SCLT1: variants seen among roughly 807,000 people sequenced by gnomAD.
SCLT1 encodes the protein sodium channel and clathrin linker 1, also known as sodium channel-associated protein 1.
A neutral mutation model predicts 112.8 loss-of-function variants in SCLT1; 78 were observed. That is an observed-to-expected ratio of 0.69 (90% CI 0.58 to 0.83). SCLT1 has a LOEUF of 0.83. Among genes scored for constraint, SCLT1 ranks in the 40% least tolerant of loss-of-function variants. The pLI is 0.00. For missense variants in SCLT1, 747 were observed against 770.4 expected (o/e 0.97, Z 0.36); for synonymous variants, 257 against 254.7 (o/e 1.01, Z -0.09).
intron 18 of SCLT1, among the ~76,000 whole-genome samples, chr4:128,934,169 C>A (rs1736996585): frequency 6.6e-6 from 1 of 151,760 alleles, no homozygotes; most frequent in South Asian, 2.1e-4. Context: ...AGAAGTCTAG[C>A]CTTCATTCTG....
At chr4:128,880,315 CT>C (rs1382912006), downstream of SCLT1, among the ~76,000 whole-genome samples, 2 of 152,086 alleles carry the variant, frequency 1.3e-5, no homozygotes, top group African/African-American at 2.4e-5. Flanking sequence ...TGGTCCTCTT[CT>C]TTTTTTCAAT....
At chr4:128,965,341 G>A (rs768700155) in intron 10 of SCLT1, 23 bp from the exon 11 acceptor site, 1 of 1,469,626 alleles carries the variant, frequency 6.8e-7, no homozygotes, top group South Asian at 1.1e-5. Context: ...GAAACTAGAA[G>A]CTTACTTTGA....
intron 5 of SCLT1, among the ~76,000 whole-genome samples, chr4:129,011,613 T>A (rs1317428605): frequency 6.6e-6 from 1 of 151,910 alleles, no homozygotes; most frequent in Admixed American, 6.6e-5. Context: ...TCAGTAGAAG[T>A]GGTACCAGCT....
At chr4:128,958,088 A>G (rs1203090499) in intron 12 of SCLT1, among the ~76,000 whole-genome samples, 1 of 152,140 alleles carries the variant, frequency 6.6e-6, no homozygotes, top group Non-Finnish European at 1.5e-5. Context: ...TCTCTAACAC[A>G]AACCTTTTTC....
At chr4:129,052,442 A>G (rs1748891124) in intron 2 of SCLT1, among the ~76,000 whole-genome samples, 1 of 151,560 alleles carries the variant, frequency 6.6e-6, no homozygotes, top group Admixed American at 6.6e-5. Flanking sequence ...TTCTTCCTGG[A>G]TTATTCTTGG....
At chr4:128,880,085 C>G (rs541005232), downstream of SCLT1, among the ~76,000 whole-genome samples, 125 of 152,302 alleles carry the variant, frequency 8.2e-4, no homozygotes, top group African/African-American at 2.8e-3. Context: ...GACAGGATTA[C>G]TAGATTACAT....
intron 4 of SCLT1, 21 bp from the exon 5 acceptor site, chr4:129,039,117 G>A (rs200286735): frequency 1.3e-6 from 2 of 1,559,472 alleles, no homozygotes; most frequent in Admixed American, 1.7e-5. Flanking sequence ...AAAATATGGT[G>A]TGGCAATACA....
At chr4:129,058,721 A>G in intron 2 of SCLT1, among the ~76,000 whole-genome samples, 1 of 152,276 alleles carries the variant, frequency 6.6e-6, no homozygotes, top group South Asian at 2.1e-4. Flanking sequence ...TGTATGTGAG[A>G]TCCATTTGGT....
chr4:128,959,726 A>T lies in SCLT1; in HGVS notation c.921T>A (p.His307Gln). The T allele has an allele frequency of 1.2e-6, 2 of 1,613,510 alleles. No individual in the cohort carries two copies. The highest frequency in any genetic ancestry group is 1.3e-5 in the African/African-American group (1 of 74,972). ...EANQLRTENT[H>Q]LEKQTRELQA... The stretch of plus-strand genomic sequence containing the variant: ...GTAGCTCTCTGGTCTGTTTTTCCAG[A>T]TGTGTATTTTCGGTTCTTAATTGGT... Residue 307 changes from histidine (H) to glutamine (Q), a missense_variant, in exon 12 of 21, where the codon CAT becomes CAA. Around this residue, in one of 2 missense-constraint regions of SCLT1, gnomAD observed 723 missense variants for 721.3 expected, o/e 1.00. Coordinates refer to ENST00000281142, the MANE Select transcript of SCLT1 (RefSeq NM_144643.4).
chr4:129,006,932 C>T (rs536434362), intron 5 of SCLT1, among the ~76,000 whole-genome samples: 1 of 152,266 alleles, frequency 6.6e-6, no homozygotes, highest in African/African-American at 2.4e-5. Flanking sequence ...GTGGCAACGC[C>T]GACGTTATGT....
intron 15 of SCLT1, among the ~76,000 whole-genome samples, chr4:128,947,839 C>T (rs1738312226): frequency 6.6e-6 from 1 of 152,032 alleles, no homozygotes; most frequent in South Asian, 2.1e-4. Flanking sequence ...CATAGCAATG[C>T]TATAATTTTC....
At chr4:128,898,580 G>C (rs528195599) in intron 18 of SCLT1, among the ~76,000 whole-genome samples, 38 of 151,962 alleles carry the variant, frequency 2.5e-4, no homozygotes, top group African/African-American at 5.5e-4. Context: ...AGGAAAGATC[G>C]AAAATTGACA....
intron 4 of SCLT1, among the ~76,000 whole-genome samples, chr4:129,041,493 C>T (rs1441548671): frequency 1.3e-5 from 2 of 152,170 alleles, no homozygotes; most frequent in Non-Finnish European, 2.9e-5. Flanking sequence ...AGTAAAGCTA[C>T]ATATCAATGC....
chr4:129,002,178 C>T (rs1743553156), intron 6 of SCLT1, among the ~76,000 whole-genome samples: 1 of 151,696 alleles, frequency 6.6e-6, no homozygotes, highest in Non-Finnish European at 1.5e-5. Context: ...ATTTGTAGCC[C>T]CCATTTATAA....
intron 1 of SCLT1, among the ~76,000 whole-genome samples, chr4:129,083,186 G>A (rs369992516): frequency 1.8e-3 from 150 of 84,460 alleles, no homozygotes; most frequent in African/African-American, 3.7e-3. Context: ...GTGAGACTCT[G>A]AAAAAAAAAA....
intron 2 of SCLT1, among the ~76,000 whole-genome samples, chr4:129,067,828 ACT>A (rs1750625951): frequency 6.7e-6 from 1 of 148,830 alleles, no homozygotes. Context: ...TAATATTTTA[ACT>A]TTTTTTTTTT....
At chr4:128,907,123 T>C (rs1734749678) in intron 18 of SCLT1, among the ~76,000 whole-genome samples, 1 of 142,866 alleles carries the variant, frequency 7.0e-6, no homozygotes, top group Non-Finnish European at 1.5e-5. Context: ...AGATACAGAG[T>C]GTTACTAGGA....
In SCLT1 at chr4:128,959,764, T is replaced by C. The variant is rs1739521650; in HGVS notation, c.883A>G (p.Ile295Val). Residue 295 changes from isoleucine to valine, a missense_variant, in exon 12 of 21, where the codon ATC (isoleucine) becomes GTC (valine). Ile to Val is a conservative substitution (Grantham distance 29). Transcript: ENST00000281142. ...GTTCTTAATTGGTTGGCTTCTTGGA[T>C]TGTCACACATAATCTAGAAATCAAT... Reference protein sequence around the residue: ...KQLEIRLCVTIQEANQLRTEN... With the variant: ...KQLEIRLCVTVQEANQLRTEN... The C allele has an allele frequency of 1.2e-6, 2 of 1,612,542 alleles. No individual in the cohort carries two copies. The highest frequency in any genetic ancestry group is 1.7e-6 in the Non-Finnish European group (2 of 1,179,310).
chr4:129,009,469 G>A (rs1004841186), intron 5 of SCLT1, among the ~76,000 whole-genome samples: 22 of 151,172 alleles, frequency 1.5e-4, no homozygotes, highest in African/African-American at 3.7e-4. Context: ...AGCTGAGATC[G>A]CGCCACTGCA....
Sources: allele counts gnomAD v4.1 joint callset (sites outside exome capture counted in the v4.1 genomes callset), GRCh38; gene constraint gnomAD v4.1.1; regional missense constraint gnomAD v4.1.1; transcripts MANE v1.5; gene names NCBI Gene and HGNC (gene_info 2026-07-23, HGNC 2026-07-21).